The following CNBD1 variants were observed in gnomAD, a reference collection of about 807,000 sequenced individuals.
CNBD1 encodes cyclic nucleotide binding domain containing 1.
Under a neutral mutation model 54.4 loss-of-function variants are expected in CNBD1, and 71 were observed. That is an observed-to-expected ratio of 1.30 (90% CI 1.08 to 1.59). The LOEUF is 1.59. Among genes scored for constraint, CNBD1 ranks in the 40% most tolerant of loss-of-function variants. The pLI, the probability that CNBD1 is intolerant of heterozygous loss-of-function variation, is 0.00. For missense variants in CNBD1, 659 were observed against 518.0 expected (o/e 1.27, Z -2.64); for synonymous variants, 182 against 170.7 (o/e 1.07, Z -0.51).
chr8:87,229,856 TA>T (rs1195224580), intron 5 of CNBD1, among the ~76,000 whole-genome samples: 1 of 152,238 alleles, frequency 6.6e-6, no homozygotes, highest in Non-Finnish European at 1.5e-5. Context: ...CCAACTATGT[TA>T]ATTTAAGGAA....
intron 8 of CNBD1, among the ~76,000 whole-genome samples, chr8:87,327,385 G>A (rs1563554057): frequency 6.6e-6 from 1 of 151,698 alleles, no homozygotes; most frequent in Non-Finnish European, 1.5e-5. Context: ...GGGCAATGGT[G>A]GGCGCCCCTC....
intron 4 of CNBD1, among the ~76,000 whole-genome samples, chr8:87,189,364 C>T (rs1170997641): frequency 3.9e-5 from 6 of 152,088 alleles, no homozygotes; most frequent in African/African-American, 7.2e-5. Context: ...ATAAAATAAG[C>T]GTGTTTTATG....
chr8:87,381,391 G>A (rs113934952), intron 10 of CNBD1, among the ~76,000 whole-genome samples: 2,870 of 152,008 alleles, frequency 0.019, 91 homozygotes, highest in African/African-American at 0.063. Flanking sequence ...AGTGTTGACA[G>A]GGATGTGGAG....
At chr8:86,954,030 A>T (rs1487780954) in intron 4 of CNBD1, among the ~76,000 whole-genome samples, 1 of 152,260 alleles carries the variant, frequency 6.6e-6, no homozygotes, top group African/African-American at 2.4e-5. Flanking sequence ...TCAGGTTATT[A>T]TAAGTCATCC....
intron 6 of CNBD1, among the ~76,000 whole-genome samples, chr8:87,249,417 G>A (rs1288827442): frequency 1.3e-5 from 2 of 152,150 alleles, no homozygotes; most frequent in African/African-American, 4.8e-5. Flanking sequence ...TAAATCTGTG[G>A]CCCAGGAGTC....
intron 5 of CNBD1, among the ~76,000 whole-genome samples, chr8:87,217,206 G>A (rs1434347946): frequency 2.0e-5 from 3 of 152,146 alleles, no homozygotes; most frequent in South Asian, 4.1e-4. Context: ...TTAGAGCATT[G>A]AAAAATGTGA....
chr8:87,204,146 T>A (rs1236652098), intron 4 of CNBD1, among the ~76,000 whole-genome samples: 1 of 152,162 alleles, frequency 6.6e-6, no homozygotes, highest in African/African-American at 2.4e-5. Context: ...GAGTCAAAAC[T>A]TTTTTTGGAG....
intron 5 of CNBD1, among the ~76,000 whole-genome samples, chr8:87,229,095 G>A (rs1014540311): frequency 4.6e-4 from 70 of 152,244 alleles, no homozygotes; most frequent in East Asian, 1.4e-3. Context: ...GCAATGCCTC[G>A]CCCTGCTTTG....
rs1346760049 is a variant in CNBD1, at chr8:87,182,915, C to T, written c.432-23078C>T. Reference sequence around the variant, plus strand: ...GAACCTCTTTGGTTTAATTAGGTTACACTTATGTATTTTTGTTTTGTTACA... The same window carrying T: ...GAACCTCTTTGGTTTAATTAGGTTATACTTATGTATTTTTGTTTTGTTACA... On this transcript the variant is annotated intron_variant, in intron 4 of 10. Coordinates refer to ENST00000518476, the MANE Select transcript of CNBD1 (RefSeq NM_173538.3). This position sits in a 1 kb window ranked among gnomAD's most constrained non-coding sequence, Gnocchi z 4.1. Among the ~76,000 whole-genome samples, 1 of 152,086 alleles carries T rather than the reference C, an allele frequency of 6.6e-6. No individual in the cohort carries two copies. Among genetic ancestry groups the T allele is most frequent in the Non-Finnish European group, 1.5e-5 (1 of 68,020 alleles).
chr8:87,002,327 G>T (rs112613695), intron 4 of CNBD1, among the ~76,000 whole-genome samples: 2 of 151,984 alleles, frequency 1.3e-5, no homozygotes, highest in African/African-American at 4.8e-5. Flanking sequence ...ATTGTTCTTC[G>T]CATAGTGGCC....
intron 6 of CNBD1, among the ~76,000 whole-genome samples, chr8:87,258,198 T>G (rs184001822): frequency 4.2e-4 from 64 of 152,202 alleles, no homozygotes; most frequent in Admixed American, 1.6e-3. Flanking sequence ...GCCTATTAAA[T>G]ATGTTAAATG....
At chr8:87,341,805 A>G (rs1444467752) in intron 8 of CNBD1, among the ~76,000 whole-genome samples, 1 of 152,190 alleles carries the variant, frequency 6.6e-6, no homozygotes, top group Middle Eastern at 3.2e-3. Flanking sequence ...TGGTGCTTTG[A>G]TATTGGTCTT....
intron 10 of CNBD1, among the ~76,000 whole-genome samples, chr8:87,364,462 A>G (rs748596459): frequency 2.4e-4 from 36 of 150,354 alleles, no homozygotes; most frequent in Non-Finnish European, 4.3e-4. Context: ...TTTTAAATCC[A>G]ATTTGTCTTT....
At chr8:87,094,803 C>G (rs1387304336) in intron 4 of CNBD1, among the ~76,000 whole-genome samples, 2 of 152,110 alleles carry the variant, frequency 1.3e-5, no homozygotes, top group Non-Finnish European at 2.9e-5. Flanking sequence ...TTTGGGAGGC[C>G]GAGGCAGGTG....
At chr8:87,362,401 G>T (rs1483689623) in intron 10 of CNBD1, among the ~76,000 whole-genome samples, 3 of 152,078 alleles carry the variant, frequency 2.0e-5, no homozygotes, top group East Asian at 3.9e-4. Context: ...TGTACACACT[G>T]CCCCTTGTTC....
intron 8 of CNBD1, among the ~76,000 whole-genome samples, chr8:87,301,195 G>A (rs1808981252): frequency 6.6e-6 from 1 of 152,054 alleles, no homozygotes; most frequent in African/African-American, 2.4e-5. Context: ...CAGCAAGATT[G>A]AAATGGTAAT....
At chr8:87,106,128 TCTTTCTTTC>T (rs1038797456) in intron 4 of CNBD1, among the ~76,000 whole-genome samples, 1 of 152,160 alleles carries the variant, frequency 6.6e-6, no homozygotes, top group African/African-American at 2.4e-5. Context: ...ATTTTCTTTT[TCTTTCTTTC>T]CTTTCTTTTC....
chr8:87,016,001 A>C (rs1272478285), intron 4 of CNBD1, among the ~76,000 whole-genome samples: 1 of 150,510 alleles, frequency 6.6e-6, no homozygotes, highest in African/African-American at 2.5e-5. Context: ...AAAAAAAAAA[A>C]AGCCTTTTAT....
Position 87,163,747 on chromosome 8 carries a change from G to C in CNBD1, c.432-42246G>C, listed in dbSNP as rs1170828307. Among the ~76,000 whole-genome samples the C allele has an allele frequency of 6.6e-6, 1 of 151,416 alleles. No homozygotes were observed. The highest frequency in any genetic ancestry group is 2.4e-5 in the African/African-American group (1 of 41,278). On this transcript the variant is annotated intron_variant, in intron 4 of 10. Transcript: ENST00000518476. The surrounding 1 kb of genome is among the most constrained non-coding windows in gnomAD (Gnocchi z 4.5). ...GGGTTTTTTTTAAATATAAGATTAT[G>C]TCATCTGCAAAAAGATAATTTTACT... is the stretch of plus-strand genomic sequence containing the variant.
Sources: allele counts gnomAD v4.1 joint callset (sites outside exome capture counted in the v4.1 genomes callset), GRCh38; gene constraint gnomAD v4.1.1; non-coding constraint Gnocchi (gnomAD v3.1); transcripts MANE v1.5; gene names NCBI Gene and HGNC (gene_info 2026-07-23, HGNC 2026-07-21).